AKR1E2: variants seen among roughly 807,000 people sequenced by gnomAD.
The protein encoded by AKR1E2 is 1,5-anhydro-D-fructose reductase.
In AKR1E2, 43 loss-of-function variants were observed where a neutral mutation model predicts 41.9. The observed-to-expected ratio is 1.03, with a 90% CI of 0.80 to 1.32. The LOEUF (loss-of-function observed/expected upper bound fraction) is 1.32, where lower values mean the gene tolerates loss of function less well. Among genes scored for constraint, AKR1E2 ranks in the 40% most tolerant of loss-of-function variants. AKR1E2 has a pLI of 0.00. For missense variants in AKR1E2, 423 were observed against 396.5 expected (o/e 1.07, Z -0.57); for synonymous variants, 121 against 138.9 (o/e 0.87, Z 0.91).
chr10:4,870,028 T>TTGTTAGGTAGAAAA, the AKR1E2 span, among the ~76,000 whole-genome samples: 33,018 of 151,884 alleles, frequency 0.22, 3,794 homozygotes, highest in Middle Eastern at 0.34. Context: ...AGGTAGAATG[T>TTGTTAGGTAGAAAA]TCTATAAATC....
intron 3 of AKR1E2, 83 bp downstream of exon 3, chr10:4,833,549 A>G (rs1833154974): frequency 8.5e-7 from 1 of 1,182,852 alleles, no homozygotes; most frequent in Non-Finnish European, 1.3e-6. Flanking sequence ...TGGGGAGAGC[A>G]TGGACCAGCA....
chr10:4,828,826 T>C (rs1486354078), intron 1 of AKR1E2, among the ~76,000 whole-genome samples: 2 of 152,248 alleles, frequency 1.3e-5, no homozygotes, highest in Admixed American at 1.3e-4. Flanking sequence ...TTCTTGATAG[T>C]GTGTTATACT....
chr10:4,865,229 G>A, the AKR1E2 span, among the ~76,000 whole-genome samples: 135,836 of 152,172 alleles, frequency 0.89, 61,557 homozygotes, highest in East Asian at 0.98. Context: ...AAAATAATAC[G>A]TAAAACAGAT....
intron 1 of AKR1E2, among the ~76,000 whole-genome samples, chr10:4,830,403 A>G (rs1302191991): frequency 1.3e-5 from 2 of 152,154 alleles, no homozygotes; most frequent in African/African-American, 4.8e-5. Flanking sequence ...TGCTTTGATC[A>G]TTCAGGAAGC....
chr10:4,827,075 G>GA (rs5782783), intron 1 of AKR1E2, among the ~76,000 whole-genome samples: 58,267 of 122,812 alleles, frequency 0.47, 14,362 homozygotes, highest in South Asian at 0.61. Context: ...GACCTTGCTG[G>GA]AAAAAAAAAA....
intron 1 of AKR1E2, among the ~76,000 whole-genome samples, chr10:4,828,328 G>C (rs2961569): frequency 1.3e-5 from 2 of 152,062 alleles, no homozygotes; most frequent in Non-Finnish European, 2.9e-5. Context: ...CAAGGGGAGC[G>C]GTGAGATGTC....
At chr10:4,862,580 A>G in the AKR1E2 span, among the ~76,000 whole-genome samples, 11 of 152,184 alleles carry the variant, frequency 7.2e-5, no homozygotes, top group Non-Finnish European at 1.3e-4. Flanking sequence ...ATGTTCTTCC[A>G]TTTGTTTGTA....
At chr10:4,863,133 C>T in the AKR1E2 span, among the ~76,000 whole-genome samples, 13 of 152,294 alleles carry the variant, frequency 8.5e-5, no homozygotes, top group South Asian at 2.7e-3. Flanking sequence ...ACAGAACTCT[C>T]CACCCCAAAT....
the AKR1E2 span, among the ~76,000 whole-genome samples, chr10:4,858,360 C>A: frequency 1.3e-5 from 2 of 152,154 alleles, no homozygotes; most frequent in African/African-American, 2.4e-5. Context: ...TTTCTTCATT[C>A]ATTCATTCAT....
the AKR1E2 span, among the ~76,000 whole-genome samples, chr10:4,862,628 C>T: frequency 2.6e-5 from 4 of 152,098 alleles, no homozygotes; most frequent in Admixed American, 6.6e-5. Flanking sequence ...TTGTAGTTCT[C>T]TTTGAAGAGG....
rs1249981145 is a variant in AKR1E2, at chr10:4,826,346, G to T, written c.22G>T (p.Gly8Cys). The change falls in exon 1 of 10, where the codon GGC becomes TGC. Residue 8 changes from glycine (G) to cysteine (C), a missense_variant. By Grantham distance (159) the Gly-to-Cys change is radical. Transcript: ENST00000298375. MGDIPAV[G>C]LSSWKASPGK... ...GGCCATGGGAGATATCCCAGCCGTG[G>T]GCCTCAGCTCCTGGAAGGTGACGCG... The T allele has an allele frequency of 6.5e-6, 8 of 1,234,938 alleles. No individual in the cohort carries two copies. The highest frequency in any genetic ancestry group is 8.1e-6 in the Non-Finnish European group (8 of 987,560). The allele number at this position is 1,234,938 out of a possible 1,614,324, so 76.5% of individuals were successfully genotyped here.
chr10:4,825,684 C>T (rs1360819101), upstream of AKR1E2, among the ~76,000 whole-genome samples: 5 of 152,294 alleles, frequency 3.3e-5, no homozygotes, highest in East Asian at 1.9e-4. Flanking sequence ...CTGGGGGCCT[C>T]GGGGCACCTG....
the AKR1E2 span, among the ~76,000 whole-genome samples, chr10:4,859,725 G>T: frequency 6.6e-6 from 1 of 152,190 alleles, no homozygotes; most frequent in African/African-American, 2.4e-5. Context: ...GATATCTTAA[G>T]GTAAAAAGAG....
chr10:4,839,655 G>A (rs1449647498), intron 5 of AKR1E2, 74 bp from the exon 6 acceptor site: 11 of 1,373,930 alleles, frequency 8.0e-6, no homozygotes, highest in South Asian at 2.3e-5. Flanking sequence ...AGACTTTGAC[G>A]CAGGTCTTCT....
the AKR1E2 span, among the ~76,000 whole-genome samples, chr10:4,864,484 A>G: frequency 2.0e-5 from 3 of 152,126 alleles, no homozygotes; most frequent in Non-Finnish European, 2.9e-5. Context: ...GCTATTTATG[A>G]CAAACCCACA....
At chr10:4,849,719 A>G (rs912949924), downstream of AKR1E2, among the ~76,000 whole-genome samples, 3 of 152,226 alleles carry the variant, frequency 2.0e-5, no homozygotes, top group Admixed American at 2.0e-4. Flanking sequence ...GTTGGTTAAC[A>G]GTAATACGTC....
intron 1 of AKR1E2, among the ~76,000 whole-genome samples, chr10:4,827,616 G>A (rs962613019): frequency 2.0e-5 from 3 of 151,302 alleles, no homozygotes; most frequent in African/African-American, 4.9e-5. Context: ...AAAAAAAAAA[G>A]CTAAACTTAG....
At chr10:4,867,440 G>A in the AKR1E2 span, among the ~76,000 whole-genome samples, 1 of 152,184 alleles carries the variant, frequency 6.6e-6, no homozygotes, top group Non-Finnish European at 1.5e-5. Context: ...GCATTCAGCT[G>A]TCTTCTGCCT....
At chr10:4,865,972 T>C in the AKR1E2 span, among the ~76,000 whole-genome samples, 1 of 152,216 alleles carries the variant, frequency 6.6e-6, no homozygotes, top group African/African-American at 2.4e-5. Flanking sequence ...CCTAGGGTTC[T>C]TTTGGTCAAT....
Sources: gnomAD v4.1 joint callset for allele counts (sites outside exome capture counted in the v4.1 genomes callset) on GRCh38, gnomAD v4.1.1 for gene constraint, MANE v1.5 for transcripts, NCBI Gene and HGNC (gene_info 2026-07-23, HGNC 2026-07-21) for gene names.